The following DISC1 variants were observed in gnomAD, a reference collection of about 807,000 sequenced individuals.
DISC1 encodes disrupted in schizophrenia 1 protein.
A neutral mutation model predicts 84.5 loss-of-function variants in DISC1; 57 were observed. The observed-to-expected ratio is 0.67, with a 90% CI of 0.55 to 0.84. The LOEUF is 0.84. Ranked by LOEUF, DISC1 falls within the 40% of genes least tolerant of loss-of-function variation. The pLI is 0.00. For synonymous variants in DISC1, 411 were observed against 415.2 expected (o/e 0.99, Z 0.12); for missense variants, 1,000 against 1,057.8 (o/e 0.95, Z 0.76).
chr1:231,931,645 ATTTTT>A (rs10652394), intron 9 of DISC1, among the ~76,000 whole-genome samples: 2 of 137,942 alleles, frequency 1.4e-5, no homozygotes, highest in African/African-American at 5.4e-5. Flanking sequence ...ACTGCTTGTG[ATTTTT>A]TTTTTTTTTT....
At chr1:231,996,945 T>G (rs1666037352) in intron 10 of DISC1, among the ~76,000 whole-genome samples, 1 of 152,218 alleles carries the variant, frequency 6.6e-6, no homozygotes. Context: ...ACTAATGATC[T>G]AATTGTTTTC....
chr1:231,725,608 T>C (rs2070545560), intron 3 of DISC1, among the ~76,000 whole-genome samples: 1 of 152,232 alleles, frequency 6.6e-6, no homozygotes, highest in African/African-American at 2.4e-5. Context: ...TTAGCCCTGC[T>C]CTGCGAGGAG....
intron 3 of DISC1, among the ~76,000 whole-genome samples, chr1:231,749,173 TC>T: frequency 6.6e-6 from 1 of 152,278 alleles, no homozygotes; most frequent in Non-Finnish European, 1.5e-5. Flanking sequence ...TCCAGCACCC[TC>T]CCTTCAACAC....
intron 9 of DISC1, among the ~76,000 whole-genome samples, chr1:231,895,978 G>A (rs1052986858): frequency 1.3e-5 from 2 of 152,192 alleles, no homozygotes; most frequent in South Asian, 4.1e-4. Flanking sequence ...TCGTAGCTCA[G>A]TAATTCCTTG....
intron 9 of DISC1, among the ~76,000 whole-genome samples, chr1:231,852,450 G>A (rs1305602220): frequency 1.3e-5 from 2 of 152,220 alleles, no homozygotes; most frequent in Non-Finnish European, 1.5e-5. Flanking sequence ...TACGAAGGAT[G>A]TAAAATCAGA....
rs1398695499 is a variant in DISC1 at position 232,031,693 on chromosome 1, C to T, written c.2426-4999C>T. On this transcript the variant is annotated intron_variant, in intron 12 of 12. Coordinates refer to ENST00000439617, the MANE Select transcript of DISC1 (RefSeq NM_018662.3). The surrounding 1 kb of genome is among the most constrained non-coding windows in gnomAD (Gnocchi z 4.6). ...CACAGTGGGTGGGGGAGGGCAAGGG[C>T]GTAGACACAGGGCTGTCCTGCTGCT... Among the ~76,000 whole-genome samples, 1 of 152,050 alleles carries T rather than the reference C, an allele frequency of 6.6e-6. No homozygotes were observed. Among genetic ancestry groups the T allele is most frequent in the Admixed American group, 6.5e-5 (1 of 15,268 alleles).
At chr1:231,850,249 C>G (rs897161005) in intron 9 of DISC1, among the ~76,000 whole-genome samples, 1 of 152,202 alleles carries the variant, frequency 6.6e-6, no homozygotes. Flanking sequence ...ATTGTGTCCC[C>G]ATTGGCATTA....
At chr1:231,638,051 A>AT (rs2059340072) in intron 1 of DISC1, among the ~76,000 whole-genome samples, 1 of 152,188 alleles carries the variant, frequency 6.6e-6, no homozygotes, top group African/African-American at 2.4e-5. Context: ...TCTGACTGGC[A>AT]TAAGATGACA....
intron 3 of DISC1, among the ~76,000 whole-genome samples, chr1:231,744,140 A>G (rs2073684458): frequency 6.6e-6 from 1 of 152,238 alleles, no homozygotes; most frequent in Admixed American, 6.5e-5. Context: ...AGTCTTTGTG[A>G]TCTAGGGTAG....
At chr1:231,877,211 T>G (rs1183101820) in intron 9 of DISC1, among the ~76,000 whole-genome samples, 1 of 152,240 alleles carries the variant, frequency 6.6e-6, no homozygotes, top group African/African-American at 2.4e-5. Context: ...GAGCCCACCT[T>G]CTTACTGCAG....
chr1:231,942,402 G>A (rs1394226890), intron 9 of DISC1, among the ~76,000 whole-genome samples: 7 of 152,168 alleles, frequency 4.6e-5, no homozygotes, highest in East Asian at 1.9e-4. Flanking sequence ...AGTGGCTCCC[G>A]CCTGTAATCC....
At chr1:231,801,237 T>C (rs766248724) in intron 8 of DISC1, among the ~76,000 whole-genome samples, 5 of 152,044 alleles carry the variant, frequency 3.3e-5, no homozygotes, top group Admixed American at 6.6e-5. Flanking sequence ...CTTAACAGCT[T>C]CACATGCCAT....
intron 1 of DISC1, among the ~76,000 whole-genome samples, chr1:231,692,738 G>A (rs2065199866): frequency 6.6e-6 from 1 of 152,236 alleles, no homozygotes; most frequent in Non-Finnish European, 1.5e-5. Flanking sequence ...TGGGCCAGTA[G>A]AGTCAAGAGA....
rs1394356031 is a variant in DISC1 at position 231,694,055 on chromosome 1, T to A, written c.297T>A (p.Val99=). Residue 99 remains valine (V), a synonymous_variant, in exon 2 of 13, where the codon GTT becomes GTA. Transcript: ENST00000439617. ...DSRGLLVRSP[V]SKSAAAPTVT... ...GAGGCCTCTTGGTCCGGAGCCCTGT[T>A]TCCAAGAGTGCAGCAGCCCCTACTG... 7 of 1,614,206 alleles carry A rather than the reference T, an allele frequency of 4.3e-6. No homozygotes were observed. Among genetic ancestry groups the A allele is most frequent in the Middle Eastern group, 1.6e-4 (1 of 6,062 alleles).
chr1:231,694,358 T>G lies in DISC1; in HGVS notation c.600T>G (p.Pro200=), dbSNP rs747906699. 6.2e-7 allele frequency: 1 copy of G among 1,614,240 alleles called. No individual in the cohort carries two copies. The highest frequency in any genetic ancestry group is 8.5e-7 in the Non-Finnish European group (1 of 1,180,030). ...GCCCTGAGGTCCCCCCAACCCCTCC[T>G]GGCTCTCACAGTGCCTTTACCTCAA... The part of the protein sequence containing the change: ...GCGPEVPPTP[P]GSHSAFTSSF... Residue 200 remains proline, a synonymous_variant, in exon 2 of 13, where the codon CCT becomes CCG. Transcript: ENST00000439617.
chr1:231,848,173 C>T lies in DISC1; in HGVS notation c.1981+29656C>T, dbSNP rs114478648. Among the ~76,000 whole-genome samples, 1,077 of 152,224 alleles carry T rather than the reference C, an allele frequency of 7.1e-3. 15 individuals carry two copies. Among genetic ancestry groups the T allele is most frequent in the African/African-American group, 0.024 (1,011 of 41,550 alleles). ...CACAGTGACTTGGAGAACTTGGAGA[C>T]GCGTATCAATGCCGCCTTTCTTCCC... On this transcript the variant is annotated intron_variant, in intron 9 of 12. Coordinates refer to ENST00000439617, the MANE Select transcript of DISC1 (RefSeq NM_018662.3).
intron 9 of DISC1, among the ~76,000 whole-genome samples, chr1:231,861,729 A>G (rs1437141740): frequency 6.6e-6 from 1 of 152,138 alleles, no homozygotes; most frequent in Admixed American, 6.6e-5. Flanking sequence ...GTCACGTGAT[A>G]GTTTTCCATT....
chr1:231,701,200 T>A (rs1172305723), intron 2 of DISC1, among the ~76,000 whole-genome samples: 1 of 152,110 alleles, frequency 6.6e-6, no homozygotes, highest in East Asian at 1.9e-4. Flanking sequence ...AACTCCCTTT[T>A]ATAAAACCAT....
At chr1:231,844,571 C>G (rs918221967) in intron 9 of DISC1, among the ~76,000 whole-genome samples, 1 of 152,092 alleles carries the variant, frequency 6.6e-6, no homozygotes, top group African/African-American at 2.4e-5. Flanking sequence ...TCCAGAAAGG[C>G]AGGACAACTT....
Sources: gnomAD v4.1 joint callset for allele counts (sites outside exome capture counted in the v4.1 genomes callset) on GRCh38, gnomAD v4.1.1 for gene constraint, Gnocchi (gnomAD v3.1) non-coding constraint, MANE v1.5 for transcripts, NCBI Gene and HGNC (gene_info 2026-07-23, HGNC 2026-07-21) for gene names.